Variants in RPGR observed in about 807,000 individuals in gnomAD.
RPGR encodes retinitis pigmentosa GTPase regulator.
Under a neutral mutation model 56.3 loss-of-function variants are expected in RPGR, and 10 were observed. The ratio of observed to expected loss-of-function variants is 0.18; its 90% CI spans 0.11 to 0.30. The LOEUF (loss-of-function observed/expected upper bound fraction) is 0.30. Ranked by LOEUF, RPGR falls within the 10% of genes least tolerant of loss-of-function variation. RPGR has a pLI of 1.00. For missense variants in RPGR, 538 were observed against 590.9 expected, an observed-to-expected ratio of 0.91 and a Z score of 0.93; for synonymous variants, 197 against 212.9, an observed-to-expected ratio of 0.93 and a Z score of 0.65.
In RPGR at chrX:38,317,393, C is replaced by T. The variant is rs1421768422; in HGVS notation, c.542G>A (p.Cys181Tyr). ...CCCAATGGTCACTTGCTGAGGGACA[C>T]AGACATTACTTACATTTTTTAAACC... The change falls in exon 6 of 19, where the codon TGT becomes TAT. Residue 181 changes from cysteine (C) to tyrosine (Y), a missense_variant. Coordinates refer to ENST00000642395, the MANE Select transcript of RPGR (RefSeq NM_000328.3). The T allele has an allele frequency of 8.3e-7, 1 of 1,206,398 alleles. No homozygotes were observed. Among genetic ancestry groups the T allele is most frequent in the East Asian group, 3.0e-5 (1 of 33,755 alleles).
At chrX:38,287,605 G>A in intron 14 of RPGR, 1 of 509,354 alleles carries the variant, frequency 2.0e-6, no homozygotes, top group East Asian at 3.7e-5. Flanking sequence ...GCCAAAGAAA[G>A]GACTCATCTT....
At chrX:38,289,542 CCTCA>C (rs1338546978) in intron 13 of RPGR, among the ~76,000 whole-genome samples, 3 of 112,194 alleles carry the variant, frequency 2.7e-5, no homozygotes, top group Non-Finnish European at 5.6e-5. Context: ...GATAGTAAAA[CCTCA>C]CTAATTCAAA....
intron 15 of RPGR, chrX:38,286,692 T>G: frequency 8.7e-7 from 1 of 1,148,334 alleles, no homozygotes; most frequent in Non-Finnish European, 1.2e-6. Context: ...CTTCCTCCTT[T>G]TCACGTTCTC....
rs916352388 is a variant in RPGR, at chrX:38,278,365, C to T, written c.1906-1593G>A. 1.9e-4 allele frequency among the ~76,000 whole-genome samples: 21 copies of T among 111,865 alleles called. 1 individual carries two copies. The highest frequency in any genetic ancestry group is 1.9e-5 in the Non-Finnish European group (1 of 53,135). On this transcript the variant is annotated intron_variant, in intron 15 of 18. Coordinates refer to ENST00000642395, the MANE Select transcript of RPGR (RefSeq NM_000328.3). ...AAGCGATTCTCCTGCCTCAGCCTCCCGAGTAGCTGGGATTACAGGCACCCA... is the reference window on the plus strand; with the variant it reads ...AAGCGATTCTCCTGCCTCAGCCTCCTGAGTAGCTGGGATTACAGGCACCCA...
At chrX:38,275,172 A>T in intron 16 of RPGR, 4 of 1,173,524 alleles carry the variant, frequency 3.4e-6, no homozygotes, top group Non-Finnish European at 4.6e-6. Context: ...AAGCAATATA[A>T]CAAAAAATAT....
rs779309526 is a variant in RPGR at position 38,273,396 on chromosome X, T to G, written c.2231A>C (p.Lys744Thr). 2 of 1,199,397 alleles carry G rather than the reference T, an allele frequency of 1.7e-6. No homozygotes were observed. The highest frequency in any genetic ancestry group is 2.3e-6 in the Non-Finnish European group (2 of 885,947). The change falls in exon 18 of 19, where the codon AAA becomes ACA. Residue 744 changes from lysine (K) to threonine (T), a missense_variant. Physicochemically the swap from Lys to Thr is moderately conservative, Grantham distance 78. This residue lies in a region of RPGR where 357 missense variants were observed against 325.8 expected (regional missense o/e 1.10). Coordinates refer to ENST00000642395, the MANE Select transcript of RPGR (RefSeq NM_000328.3). ...ATTCATTTCACTTACCTTCTTTGTT[T>G]TTTTCATGTCTTTGCTTGGTGTTGT...
intron 6 of RPGR, among the ~76,000 whole-genome samples, chrX:38,312,798 G>A (rs1450971596): frequency 9.0e-6 from 1 of 111,066 alleles, no homozygotes; most frequent in African/African-American, 3.3e-5. Context: ...ACAAAAATTA[G>A]CCGAGTGTGG....
intron 3 of RPGR, among the ~76,000 whole-genome samples, chrX:38,322,266 G>C (rs748723205): frequency 9.0e-5 from 10 of 111,579 alleles, no homozygotes; most frequent in African/African-American, 2.9e-4. Context: ...CCCAAACAGA[G>C]GTTTTGCATA....
chrX:38,310,812 A>G lies in RPGR; in HGVS notation c.620-39T>C, dbSNP rs779385631. 6.8e-6 allele frequency: 8 copies of G among 1,178,804 alleles called. No individual in the cohort carries two copies. The African/African-American group carries it at 1.1e-4, about 16-fold the overall frequency. Reference sequence around the variant, plus strand: ...AGTATAGTGATTAGTGATGACATACATATGAACAAAAAGCTGGTCTTACCG... The same window carrying G: ...AGTATAGTGATTAGTGATGACATACGTATGAACAAAAAGCTGGTCTTACCG... On this transcript the variant is annotated intron_variant, in intron 6 of 18. Transcript: ENST00000642395.
chrX:38,271,691 A>G (rs976484169), intron 18 of RPGR, among the ~76,000 whole-genome samples: 4 of 112,011 alleles, frequency 3.6e-5, no homozygotes, highest in Non-Finnish European at 7.5e-5. Flanking sequence ...CAAACTCTCT[A>G]TAGATAGACT....
In RPGR at chrX:38,327,431, G is replaced by T; in HGVS notation, c.-64C>A. The T allele has an allele frequency of 1.9e-6, 2 of 1,061,258 alleles. No homozygotes were observed. Among genetic ancestry groups the T allele is most frequent in the Non-Finnish European group, 2.5e-6 (2 of 791,290 alleles). The allele number at this position is 1,061,258 out of a possible 1,213,427, so 87.5% of individuals were successfully genotyped here. On this transcript the variant is annotated 5_prime_UTR_variant, in exon 1 of 19. Coordinates refer to ENST00000642395, the MANE Select transcript of RPGR (RefSeq NM_000328.3). The stretch of plus-strand genomic sequence containing the variant: ...GGCTGTAGAGGACGGTTTGGTCGGG[G>T]CTAAAGCAGCTACTCCGCACCGACG...
At position 38,275,103 on chromosome X, in the gene RPGR, T is replaced by C; in HGVS notation, c.2135A>G (p.Asn712Ser). 2 of 1,210,440 alleles carry C rather than the reference T, an allele frequency of 1.7e-6. No homozygotes were observed. The highest frequency in any genetic ancestry group is 2.2e-6 in the Non-Finnish European group (2 of 894,203). ...TGTGCTCATACCTTTTGGGTTTTCATTGTACTCACAAATGGCCCGTTCCTC... is the reference window on the plus strand; with the variant it reads ...TGTGCTCATACCTTTTGGGTTTTCACTGTACTCACAAATGGCCCGTTCCTC... The change falls in exon 17 of 19, where the codon AAT becomes AGT. Residue 712 changes from asparagine (N) to serine (S), a missense_variant. Asn to Ser is a conservative substitution (Grantham distance 46, BLOSUM62 1). Transcript: ENST00000642395.
At chrX:38,299,171 C>T in intron 9 of RPGR, 30 bp from the exon 10 acceptor site, 1 of 1,191,380 alleles carries the variant, frequency 8.4e-7, no homozygotes, top group Admixed American at 2.2e-5. Context: ...AAAAACTCAT[C>T]AACATTGGCT....
intron 7 of RPGR, 122 bp downstream of exon 7, chrX:38,310,493 G>A: frequency 1.5e-6 from 1 of 655,378 alleles, no homozygotes; most frequent in Non-Finnish European, 2.4e-6. Context: ...AATCTATTAA[G>A]AAGGTAGTTC....
chrX:38,311,218 T>G (rs1473430591), intron 6 of RPGR, among the ~76,000 whole-genome samples: 1 of 112,543 alleles, frequency 8.9e-6, no homozygotes, highest in African/African-American at 3.2e-5. Context: ...GCAGTAAATA[T>G]GTTAAGTAAA....
At position 38,296,129 on chromosome X, in the gene RPGR, C is replaced by T. The variant is rs5964327; in HGVS notation, c.1414+1155G>A. On this transcript the variant is annotated intron_variant, in intron 11 of 18. Coordinates refer to ENST00000642395, the MANE Select transcript of RPGR (RefSeq NM_000328.3). ...GAGATCGAGACCATCCTGGCTAACA[C>T]GGTGAAACCGCATGTCTACAAAAAA... The T allele has an allele frequency of 0.3, 32,479 of 109,109 alleles. 4,970 individuals are homozygous for T. The highest frequency in any genetic ancestry group is 0.66 in the East Asian group (2,247 of 3,397). 9.0% of individuals were successfully genotyped at this position (109,109 alleles called of 1,213,427 possible). A position where few individuals can be genotyped will look rare whatever the true frequency, so the allele number is the denominator to read the frequency against.
chrX:38,299,026 G>A lies in RPGR; in HGVS notation c.1175C>T (p.Pro392Leu), dbSNP rs372004762. The change falls in exon 10 of 19, where the codon CCG (proline) becomes CTG (leucine). Residue 392 changes from proline to leucine, a missense_variant. Physicochemically the swap from Pro to Leu is moderately conservative, Grantham distance 98 (BLOSUM62 -3). Coordinates refer to ENST00000642395, the MANE Select transcript of RPGR (RefSeq NM_000328.3). ...ATTTCCTGAGGTTAAACTGCTATAC[G>A]GCAGAAAAGTCGCCACAGATAAGCA... 6.3e-5 allele frequency: 76 copies of A among 1,209,562 alleles called. No homozygotes were observed. The highest frequency in any genetic ancestry group is 8.2e-5 in the Non-Finnish European group (73 of 895,078).
intron 14 of RPGR, 195 bp downstream of exon 14, chrX:38,287,666 C>A (rs1215460008): frequency 7.7e-6 from 4 of 521,808 alleles, no homozygotes; most frequent in Non-Finnish European, 1.4e-5. Flanking sequence ...GCTATTTCTG[C>A]CAGTTTAGTT....
intron 6 of RPGR, among the ~76,000 whole-genome samples, chrX:38,311,382 C>T (rs189716393): frequency 8.7e-4 from 98 of 112,061 alleles, no homozygotes; most frequent in African/African-American, 3.0e-3. Flanking sequence ...CTGTGAACTT[C>T]TTGAAAGCAA....
Sources: allele counts gnomAD v4.1 joint callset (sites outside exome capture counted in the v4.1 genomes callset), GRCh38; gene constraint gnomAD v4.1.1; regional missense constraint gnomAD v4.1.1; transcripts MANE v1.5; gene names NCBI Gene and HGNC (gene_info 2026-07-23, HGNC 2026-07-21).